Variants in TTLL7 observed in about 807,000 individuals in gnomAD.
TTLL7 encodes the protein tubulin tyrosine ligase like 7, also known as tubulin polyglutamylase TTLL7.
A neutral mutation model predicts 120.2 loss-of-function variants in TTLL7; 53 were observed. The observed-to-expected ratio is 0.44, with a 90% CI of 0.35 to 0.55. TTLL7 has a LOEUF of 0.55. TTLL7 is among the 20% of genes least tolerant of loss of function. The pLI is 0.00. For missense variants in TTLL7, 803 were observed against 1,054.7 expected (o/e 0.76, Z 3.31); for synonymous variants, 353 against 351.7 (o/e 1.00, Z -0.04).
intron 10 of TTLL7, among the ~76,000 whole-genome samples, chr1:83,922,592 T>A (rs192326503): frequency 6.6e-6 from 1 of 152,140 alleles, no homozygotes; most frequent in East Asian, 1.9e-4. Flanking sequence ...AAGGAATAAT[T>A]TGAGAAAATA....
intron 1 of TTLL7, among the ~76,000 whole-genome samples, chr1:83,975,279 C>A (rs1651362599): frequency 6.6e-6 from 1 of 152,098 alleles, no homozygotes; most frequent in South Asian, 2.1e-4. Flanking sequence ...GCTAATGGGT[C>A]TGGAGTGCAG....
rs78227724 is a variant in TTLL7, at chr1:83,874,347, A to G, written c.2544-4265T>C. Among the ~76,000 whole-genome samples the G allele has an allele frequency of 9.1e-3, 1,388 of 152,152 alleles. 17 individuals carry two copies. The highest frequency in any genetic ancestry group is 0.031 in the African/African-American group (1,306 of 41,528). The stretch of plus-strand genomic sequence containing the variant: ...CTGAATAATATTCTATTATATGTGT[A>G]TACCATATTGTATCTCTTCAACTGT... On this transcript the variant is annotated intron_variant, in intron 20 of 20. Coordinates refer to ENST00000260505, the MANE Select transcript of TTLL7 (RefSeq NM_024686.6).
chr1:83,893,215 A>C (rs1057478687), intron 18 of TTLL7, among the ~76,000 whole-genome samples: 3 of 152,046 alleles, frequency 2.0e-5, no homozygotes, highest in African/African-American at 7.2e-5. Context: ...TGCACAAACC[A>C]ATCATGAAAG....
intron 17 of TTLL7, among the ~76,000 whole-genome samples, chr1:83,904,855 T>C (rs1267168309): frequency 6.6e-6 from 1 of 152,102 alleles, no homozygotes; most frequent in African/African-American, 2.4e-5. Flanking sequence ...GAATATATAG[T>C]CTTGTAATAT....
intron 1 of TTLL7, among the ~76,000 whole-genome samples, chr1:83,955,239 G>A (rs146378043): frequency 6.6e-6 from 1 of 152,222 alleles, no homozygotes; most frequent in Non-Finnish European, 1.5e-5. Context: ...CAAAAAGATG[G>A]TTTTCTTCTA....
intron 20 of TTLL7, among the ~76,000 whole-genome samples, chr1:83,879,365 A>G (rs961007855): frequency 6.6e-6 from 1 of 152,016 alleles, no homozygotes; most frequent in Non-Finnish European, 1.5e-5. Flanking sequence ...GCCTCTTACC[A>G]GAACCAAATT....
chr1:83,915,336 C>T (rs1431151954), intron 14 of TTLL7, among the ~76,000 whole-genome samples: 1 of 152,052 alleles, frequency 6.6e-6, no homozygotes, highest in Non-Finnish European at 1.5e-5. Flanking sequence ...GAAATAATGC[C>T]GCAGGTCTAC....
At chr1:83,920,134 T>A (rs912123668) in intron 12 of TTLL7, among the ~76,000 whole-genome samples, 2 of 152,140 alleles carry the variant, frequency 1.3e-5, no homozygotes, top group Non-Finnish European at 2.9e-5. Context: ...TTTTAGAACT[T>A]TATGAAGGTT....
intron 17 of TTLL7, among the ~76,000 whole-genome samples, chr1:83,905,254 C>A (rs1657083444): frequency 6.6e-6 from 1 of 151,548 alleles, no homozygotes; most frequent in African/African-American, 2.4e-5. Flanking sequence ...AAACAAGTTA[C>A]CATTTTCACT....
rs1657566439 is a variant in TTLL7 at position 83,910,283 on chromosome 1, C to T, written c.1786+882G>A. 7.2e-5 allele frequency among the ~76,000 whole-genome samples: 11 copies of T among 152,088 alleles called. No homozygotes were observed. In the South Asian group the frequency reaches 2.1e-3, roughly 29 times the overall value. On this transcript the variant is annotated intron_variant, in intron 15 of 20. Transcript: ENST00000260505. ...CATTGCTGACGGTAAAAAGGGCTCA[C>T]AATTGTGTTCACTGCATTATTGAGC...
At chr1:83,929,026 A>T in intron 10 of TTLL7, 110 bp downstream of exon 10, 4 of 459,424 alleles carry the variant, frequency 8.7e-6, no homozygotes, top group Non-Finnish European at 1.5e-5. Flanking sequence ...AATGAAAATT[A>T]TAAAATATAA....
chr1:83,940,943 A>C (rs1647896842), intron 7 of TTLL7, among the ~76,000 whole-genome samples: 1 of 152,156 alleles, frequency 6.6e-6, no homozygotes, highest in Non-Finnish European at 1.5e-5. Flanking sequence ...ACAAAGCCTT[A>C]AGAGATCTGG....
At chr1:83,995,091 C>T (rs1653361614) in intron 1 of TTLL7, among the ~76,000 whole-genome samples, 1 of 152,144 alleles carries the variant, frequency 6.6e-6, no homozygotes, top group African/African-American at 2.4e-5. Context: ...AACTGCCTGC[C>T]TTTCTCCCAG....
chr1:83,928,425 TTCAG>T (rs1571216027), intron 10 of TTLL7, among the ~76,000 whole-genome samples: 1 of 152,118 alleles, frequency 6.6e-6, no homozygotes, highest in Non-Finnish European at 1.5e-5. Context: ...CAGGAAGTGT[TTCAG>T]TCAAACATCT....
At position 83,917,722 on chromosome 1, in the gene TTLL7, C is replaced by T. The variant is rs188748565; in HGVS notation, c.1501-32G>A. 3,107 of 1,410,214 alleles carry T rather than the reference C, an allele frequency of 2.2e-3. 21 individuals carry two copies. The highest frequency in any genetic ancestry group is 1.6e-3 in the Non-Finnish European group (1,629 of 1,002,834). The allele number at this position is 1,410,214 out of a possible 1,614,324, so 87.4% of individuals were successfully genotyped here. ...AAAATATTCTAATTAAAATTACAAC[C>T]ACTAATGGACTCTAGAATTTTTCCA... On this transcript the variant is annotated intron_variant, in intron 13 of 20. Coordinates refer to ENST00000260505, the MANE Select transcript of TTLL7 (RefSeq NM_024686.6).
At chr1:83,978,096 A>G (rs1651654149) in intron 1 of TTLL7, among the ~76,000 whole-genome samples, 1 of 152,138 alleles carries the variant, frequency 6.6e-6, no homozygotes, top group South Asian at 2.1e-4. Flanking sequence ...GATAAAAATT[A>G]GGTTTTATAT....
chr1:83,904,703 T>A (rs1300364237), intron 17 of TTLL7, among the ~76,000 whole-genome samples: 1 of 152,056 alleles, frequency 6.6e-6, no homozygotes, highest in Non-Finnish European at 1.5e-5. Flanking sequence ...TGGCAAGAAA[T>A]CCAAGAAATA....
chr1:83,951,266 G>A (rs750153037), intron 3 of TTLL7, among the ~76,000 whole-genome samples: 1 of 151,872 alleles, frequency 6.6e-6, no homozygotes, highest in South Asian at 2.1e-4. Context: ...GGAGAATGGC[G>A]TGAACCCGGG....
intron 1 of TTLL7, among the ~76,000 whole-genome samples, chr1:83,987,275 T>A (rs532288114): frequency 3.5e-4 from 53 of 151,408 alleles, no homozygotes; most frequent in South Asian, 1.0e-3. Flanking sequence ...AAAAAAAAAT[T>A]AAAAAAATAT....
Sources: gnomAD v4.1 joint callset for allele counts (sites outside exome capture counted in the v4.1 genomes callset) on GRCh38, gnomAD v4.1.1 for gene constraint, MANE v1.5 for transcripts, NCBI Gene and HGNC (gene_info 2026-07-23, HGNC 2026-07-21) for gene names.